TET3: variants seen among roughly 807,000 people sequenced by gnomAD.
TET3 encodes the protein methylcytosine dioxygenase TET3.
TET3 carries 19 observed loss-of-function variants against 141.4 expected under a neutral mutation model. That is an observed-to-expected ratio of 0.13 (90% CI 0.09 to 0.20). The LOEUF (loss-of-function observed/expected upper bound fraction) is 0.20, where lower values mean the gene tolerates loss of function less well. Ranked by LOEUF, TET3 falls within the 10% of genes least tolerant of loss-of-function variation. The pLI is 1.00. For missense variants in TET3, 1,874 were observed against 2,356.9 expected, an observed-to-expected ratio of 0.80 and a Z score of 4.24; for synonymous variants, 1,043 against 980.9, an observed-to-expected ratio of 1.06 and a Z score of -1.18.
At chr2:74,065,240 C>T (rs1688816974) in intron 4 of TET3, among the ~76,000 whole-genome samples, 1 of 152,180 alleles carries the variant, frequency 6.6e-6, no homozygotes, top group African/African-American at 2.4e-5. Context: ...TGAATAGTCA[C>T]CTTCAAGGAC....
Position 74,023,841 on chromosome 2 carries a change from T to C in TET3, c.360+20675T>C, listed in dbSNP as rs533504882. The stretch of plus-strand genomic sequence containing the variant: ...GTTTTTTTCTTTTTAAAATAACCAG[T>C]CTTGTCAGAGGTTTGTTTGTTTTAT... On this transcript the variant is annotated intron_variant, in intron 3 of 11. Coordinates refer to ENST00000409262, the MANE Select transcript of TET3 (RefSeq NM_001287491.2). Among the ~76,000 whole-genome samples the C allele has an allele frequency of 2.6e-5, 4 of 152,292 alleles. No homozygotes were observed. The South Asian group carries it at 8.3e-4, about 32-fold the overall frequency.
At chr2:74,061,545 G>A (rs1186810838) in intron 4 of TET3, among the ~76,000 whole-genome samples, 17 of 146,730 alleles carry the variant, frequency 1.2e-4, no homozygotes, top group Non-Finnish European at 6.1e-5. Flanking sequence ...GGGGCGGCCG[G>A]GCAGAGGCGC....
upstream of TET3, among the ~76,000 whole-genome samples, chr2:73,984,036 C>T (rs1683875054): frequency 6.6e-6 from 1 of 152,266 alleles, no homozygotes; most frequent in Non-Finnish European, 1.5e-5. The surrounding 1 kb of genome is among the most constrained non-coding windows in gnomAD (Gnocchi z 5.6). Context: ...CTGAGCCCTG[C>T]CCCTTACCCC....
Position 74,100,670 on chromosome 2 carries a change from C to T in TET3, c.3882C>T (p.Pro1294=), listed in dbSNP as rs867488583. The change falls in exon 12 of 12, where the codon CCC becomes CCT. Residue 1294 remains proline, a synonymous_variant. Transcript: ENST00000409262. ...FSYYGFPSSN[P]VFPSQFLGPG... is the part of the protein sequence containing the mutation. ...ACTATGGCTTTCCATCCAGCAACCCCGTCTTCCCCTCTCAGTTCCTGGGTC... is the reference window on the plus strand; with the variant it reads ...ACTATGGCTTTCCATCCAGCAACCCTGTCTTCCCCTCTCAGTTCCTGGGTC... 1.1e-5 allele frequency: 18 copies of T among 1,614,060 alleles called. No homozygotes were observed. Among genetic ancestry groups the T allele is most frequent in the Admixed American group, 5.0e-5 (3 of 60,034 alleles).
chr2:74,002,992 C>T, intron 2 of TET3, 118 bp from the exon 3 acceptor site: 1 of 1,076,582 alleles, frequency 9.3e-7, no homozygotes, highest in Non-Finnish European at 1.4e-6. Context: ...CTTTCCCAGG[C>T]TGTATCCCCT....
intron 10 of TET3, among the ~76,000 whole-genome samples, chr2:74,094,401 C>G (rs896953224): frequency 6.6e-6 from 1 of 152,092 alleles, no homozygotes; most frequent in African/African-American, 2.4e-5. Flanking sequence ...CCTGCAGGGA[C>G]CAGCTCACAG....
downstream of TET3, among the ~76,000 whole-genome samples, chr2:74,108,507 T>G (rs144187219): frequency 2.7e-3 from 410 of 152,318 alleles, 6 homozygotes; most frequent in Admixed American, 0.021. Context: ...AAAATTAACT[T>G]CTGATGTTTG....
chr2:74,013,820 A>G (rs1405788960), intron 3 of TET3, among the ~76,000 whole-genome samples: 1 of 152,168 alleles, frequency 6.6e-6, no homozygotes, highest in African/African-American at 2.4e-5. Context: ...TCAAAAAAAA[A>G]TAGTAATAAT....
chr2:74,076,835 A>AG, intron 5 of TET3, among the ~76,000 whole-genome samples: 1 of 152,288 alleles, frequency 6.6e-6, no homozygotes, highest in East Asian at 1.9e-4. Context: ...GGCTGAAGGC[A>AG]GGGAGGGGAA....
At chr2:74,114,906 A>G in the TET3 span, among the ~76,000 whole-genome samples, 1 of 148,476 alleles carries the variant, frequency 6.7e-6, no homozygotes, top group East Asian at 2.1e-4. Flanking sequence ...CTATATGCGA[A>G]GAAGAAAACT....
chr2:74,002,468 G>A (rs1305735944), intron 2 of TET3, among the ~76,000 whole-genome samples: 1 of 151,836 alleles, frequency 6.6e-6, no homozygotes, highest in African/African-American at 2.4e-5. Context: ...TATTACCTTC[G>A]GGGTCCCCGC....
At chr2:74,069,994 A>G (rs1263638061) in intron 4 of TET3, among the ~76,000 whole-genome samples, 1 of 152,164 alleles carries the variant, frequency 6.6e-6, no homozygotes, top group African/African-American at 2.4e-5. Context: ...CTTTTTATTA[A>G]GTTGAACCAT....
intron 4 of TET3, among the ~76,000 whole-genome samples, chr2:74,050,003 C>T (rs72907135): frequency 0.044 from 6,764 of 152,128 alleles, 491 homozygotes; most frequent in African/African-American, 0.15. Context: ...TCATGGGGTC[C>T]GCTTACCCTT....
At position 74,099,507 on chromosome 2, in the gene TET3, A is replaced by G; in HGVS notation, c.3499A>G (p.Arg1167Gly). Reference protein sequence around the residue: ...KSCRQRQLEARKAAAEKKKIQ... With the variant: ...KSCRQRQLEAGKAAAEKKKIQ... The stretch of plus-strand genomic sequence containing the variant: ...CTGCCGCCAGCGGCAGCTGGAAGCC[A>G]GAAAGGCAGCAGCCGAGAAGAAGAA... Residue 1167 changes from arginine (R) to glycine (G), a missense_variant, in exon 11 of 12, where the codon AGA becomes GGA. This residue lies in a region of TET3 where 602 missense variants were observed against 590.2 expected (regional missense o/e 1.02). Transcript: ENST00000409262. 6.2e-7 allele frequency: 1 copy of G among 1,613,398 alleles called. No homozygotes were observed. The highest frequency in any genetic ancestry group is 1.7e-4 in the Middle Eastern group (1 of 6,060).
chr2:73,995,485 G>C (rs1684547230), intron 2 of TET3, among the ~76,000 whole-genome samples: 1 of 152,178 alleles, frequency 6.6e-6, no homozygotes, highest in Non-Finnish European at 1.5e-5. Flanking sequence ...ATTGTCAAGA[G>C]TATTCAGGAC....
In TET3 at chr2:74,101,564, G is replaced by A. The variant is rs181055924; in HGVS notation, c.4776G>A (p.Leu1592=). 7.1e-5 allele frequency: 115 copies of A among 1,609,356 alleles called. No individual in the cohort carries two copies. In the African/African-American group the frequency reaches 1.4e-3, roughly 20 times the overall value. The change falls in exon 12 of 12, where the codon CTG becomes CTA. Residue 1592 remains leucine, a synonymous_variant. Transcript: ENST00000409262. The surrounding 1 kb of genome is among the most constrained non-coding windows in gnomAD (Gnocchi z 8.5). ...FGLPLGSSEK[L]FGALKSEEKL... is the part of the protein sequence containing the mutation. ...TGCCCCTGGGATCCAGCGAGAAGCT[G>A]TTTGGGGCTCTGAAGTCAGAGGAGA...
intron 6 of TET3, among the ~76,000 whole-genome samples, chr2:74,084,407 A>ACCTGAGATCAGGAGTTCAAGACCAG (rs1422517167): frequency 1.3e-5 from 2 of 151,560 alleles, no homozygotes; most frequent in East Asian, 3.9e-4. Flanking sequence ...CGGGCAGCTC[A>ACCTGAGATCAGGAGTTCAAGACCAG]CCTGAGATCA....
Position 74,046,404 on chromosome 2 carries a change from G to A in TET3, c.487G>A (p.Ala163Thr), listed in dbSNP as rs200580627. ...GCCGGTCAATGGTGCTAGAGAGCCC[G>A]CTGGACCCAGTCTGCTGGGGACTGG... ...GVPVNGAREP[A>T]GPSLLGTGGP... is the part of the protein sequence containing the mutation. The change falls in exon 4 of 12, where the codon GCT becomes ACT. Residue 163 changes from alanine (A) to threonine (T), a missense_variant. Ala to Thr is a moderately conservative substitution (Grantham distance 58). Transcript: ENST00000409262. The surrounding 1 kb of genome is among the most constrained non-coding windows in gnomAD (Gnocchi z 4.3). The A allele has an allele frequency of 2.1e-5, 33 of 1,574,548 alleles. No individual in the cohort carries two copies. The highest frequency in any genetic ancestry group is 8.9e-5 in the East Asian group (4 of 44,742).
chr2:74,133,415 A>G, the TET3 span, among the ~76,000 whole-genome samples: 2 of 152,364 alleles, frequency 1.3e-5, no homozygotes, highest in Middle Eastern at 3.4e-3. Context: ...CTGTGGCTCA[A>G]CCTGCAGTCA....
Sources: allele counts gnomAD v4.1 joint callset (sites outside exome capture counted in the v4.1 genomes callset), GRCh38; gene constraint gnomAD v4.1.1; regional missense constraint gnomAD v4.1.1; non-coding constraint Gnocchi (gnomAD v3.1); transcripts MANE v1.5; gene names NCBI Gene and HGNC (gene_info 2026-07-23, HGNC 2026-07-21).